B3GNT6: variants seen among roughly 807,000 people sequenced by gnomAD.
B3GNT6 encodes acetylgalactosaminyl-O-glycosyl-glycoprotein beta-1,3-N-acetylglucosaminyltransferase.
For missense variants in B3GNT6, 624 were observed against 568.6 expected, an observed-to-expected ratio of 1.10 and a Z score of -0.99; for synonymous variants, 300 against 270.0, an observed-to-expected ratio of 1.11 and a Z score of -1.09.
rs1555027806 is a variant in B3GNT6 at position 77,040,519 on chromosome 11, C to G, written c.968C>G (p.Pro323Arg). 3 of 1,555,984 alleles carry G rather than the reference C, an allele frequency of 1.9e-6. No individual in the cohort carries two copies. Among genetic ancestry groups the G allele is most frequent in the Non-Finnish European group, 2.6e-6 (3 of 1,157,832 alleles). Reference protein sequence around the residue: ...GMCLERAGLAPSGHEGIRPFG... With the variant: ...GMCLERAGLARSGHEGIRPFG... The stretch of plus-strand genomic sequence containing the variant: ...TGTCTGGAGCGCGCCGGCCTGGCGC[C>G]CAGCGGCCACGAGGGCATCCGACCC... Residue 323 changes from proline (P) to arginine (R), a missense_variant, in exon 2 of 2, where the codon CCC becomes CGC. By Grantham distance (103) the Pro-to-Arg change is moderately radical. Coordinates refer to ENST00000622824, the MANE Select transcript of B3GNT6 (RefSeq NM_138706.5).
In B3GNT6 at chr11:77,041,680, C is replaced by G. The variant is rs1200738373; in HGVS notation, c.*974C>G. On this transcript the variant is annotated 3_prime_UTR_variant, in exon 2 of 2. Transcript: ENST00000622824. ...TGGACAGTGGTTAAGATTGTGGGGC[C>G]GGGCGAGGTGGCTCACGCCTGTAAT... 6.6e-6 allele frequency: 1 copy of G among 152,480 alleles called. No homozygotes were observed. Among genetic ancestry groups the G allele is most frequent in the Non-Finnish European group, 1.5e-5 (1 of 68,344 alleles). 9.4% of individuals were successfully genotyped at this position (152,480 alleles called of 1,614,324 possible).
intron 1 of B3GNT6, among the ~76,000 whole-genome samples, chr11:77,036,085 G>A (rs1179741454): frequency 6.6e-6 from 1 of 152,160 alleles, no homozygotes; most frequent in Admixed American, 6.5e-5. Context: ...CAGGAAAGAA[G>A]CTGGGGCTCA....
rs1591092124 is a variant in B3GNT6 at position 77,040,849 on chromosome 11, T to C, written c.*143T>C. On this transcript the variant is annotated 3_prime_UTR_variant, in exon 2 of 2. Transcript: ENST00000622824. ...CACTGAAATCAGCTGGGGTGGGGGGTGTGGAAAATGCCTACATCCTGGCTC... is the reference window on the plus strand; with the variant it reads ...CACTGAAATCAGCTGGGGTGGGGGGCGTGGAAAATGCCTACATCCTGGCTC... 1 of 1,303,698 alleles carries C rather than the reference T, an allele frequency of 7.7e-7. No homozygotes were observed. Among genetic ancestry groups the C allele is most frequent in the Admixed American group, 3.3e-5 (1 of 30,456 alleles). 80.8% of individuals were successfully genotyped at this position (1,303,698 alleles called of 1,614,324 possible). A position where few individuals can be genotyped will look rare whatever the true frequency, so the allele number is the denominator to read the frequency against.
chr11:77,040,983 G>A lies in B3GNT6; in HGVS notation c.*277G>A, dbSNP rs1435997503. ...GTGCAGCTAGGCCTGAGGACCACTC[G>A]GCTAGACTATCTCTTCATCCTCGCA... On this transcript the variant is annotated 3_prime_UTR_variant, in exon 2 of 2. Coordinates refer to ENST00000622824, the MANE Select transcript of B3GNT6 (RefSeq NM_138706.5). 4.7e-6 allele frequency: 2 copies of A among 429,852 alleles called. No individual in the cohort carries two copies. Among genetic ancestry groups the A allele is most frequent in the East Asian group, 3.8e-5 (1 of 26,142 alleles). 26.6% of individuals were successfully genotyped at this position (429,852 alleles called of 1,614,324 possible). A position where few individuals can be genotyped will look rare whatever the true frequency, so the allele number is the denominator to read the frequency against.
In B3GNT6 at chr11:77,040,659, C is replaced by G; in HGVS notation, c.1108C>G (p.Leu370Val). Residue 370 changes from leucine (L) to valine (V), a missense_variant, in exon 2 of 2, where the codon CTG becomes GTG. Leu to Val is a conservative substitution (Grantham distance 32, BLOSUM62 1). Coordinates refer to ENST00000622824, the MANE Select transcript of B3GNT6 (RefSeq NM_138706.5). ...CGAGATGCTGCTCATGTGGAAGGCG[C>G]TGCACAGCCCCGCGCTCAGCTGTGA... is the stretch of plus-strand genomic sequence containing the variant. ...PYEMLLMWKALHSPALSCDRG... is the reference protein window; with the variant it reads ...PYEMLLMWKAVHSPALSCDRG... The G allele has an allele frequency of 6.2e-7, 1 of 1,600,522 alleles. No individual in the cohort carries two copies. Among genetic ancestry groups the G allele is most frequent in the Non-Finnish European group, 8.5e-7 (1 of 1,178,868 alleles).
rs760180919 is a variant in B3GNT6 at position 77,040,290 on chromosome 11, T to C, written c.739T>C (p.Ser247Pro). ...QAQPPGRHLF[S>P]GQLMEGSVPI... ...GCAGCCACCCGGCCGCCACCTGTTC[T>C]CCGGCCAGCTCATGGAGGGCTCCGT... The change falls in exon 2 of 2, where the codon TCC becomes CCC. Residue 247 changes from serine to proline, a missense_variant. By Grantham distance (74) the Ser-to-Pro change is moderately conservative. Transcript: ENST00000622824. The C allele has an allele frequency of 4.1e-5, 66 of 1,590,710 alleles. No individual in the cohort carries two copies. In the Middle Eastern group the frequency reaches 6.6e-4, roughly 16 times the overall value.
chr11:77,035,536 C>G (rs1555026823), intron 1 of B3GNT6, among the ~76,000 whole-genome samples: 1 of 152,194 alleles, frequency 6.6e-6, no homozygotes, highest in African/African-American at 2.4e-5. Context: ...ATGACATCAA[C>G]AAGGAGACAG....
At chr11:77,038,924 T>A (rs915132027) in intron 1 of B3GNT6, among the ~76,000 whole-genome samples, 1 of 152,130 alleles carries the variant, frequency 6.6e-6, no homozygotes, top group Non-Finnish European at 1.5e-5. Flanking sequence ...TCACTAACCC[T>A]TCGTCACAGA....
intron 1 of B3GNT6, among the ~76,000 whole-genome samples, chr11:77,038,099 GGGA>G (rs1949651934): frequency 2.3e-5 from 1 of 43,900 alleles, no homozygotes. Flanking sequence ...GAGGAGGAGG[GGGA>G]GGGAGAGAAG....
intron 1 of B3GNT6, among the ~76,000 whole-genome samples, chr11:77,037,603 C>A (rs759032759): frequency 2.6e-5 from 4 of 151,858 alleles, no homozygotes; most frequent in African/African-American, 4.8e-5. Context: ...TAGAGGCCTT[C>A]CACTATTAAA....
intron 1 of B3GNT6, 28 bp downstream of exon 1, chr11:77,034,506 A>G (rs1949619750): frequency 6.6e-6 from 1 of 152,444 alleles, no homozygotes; most frequent in South Asian, 2.1e-4. Flanking sequence ...GCTTCTTCCT[A>G]TTGGGAAGGA....
chr11:77,037,638 C>T (rs782719098), intron 1 of B3GNT6, among the ~76,000 whole-genome samples: 2 of 151,758 alleles, frequency 1.3e-5, no homozygotes, highest in Non-Finnish European at 2.9e-5. Context: ...AGGTCAGGTG[C>T]GGTGGCTCAC....
rs782323128 is a variant in B3GNT6 at position 77,039,776 on chromosome 11, G to A, written c.225G>A (p.Ser75=). The part of the protein sequence containing the change: ...VPGPPCVANA[S]ANATADFEQL... ...GGCCCCCGTGCGTGGCGAACGCCTCGGCGAACGCCACGGCCGACTTCGAGC... is the reference window on the plus strand; with the variant it reads ...GGCCCCCGTGCGTGGCGAACGCCTCAGCGAACGCCACGGCCGACTTCGAGC... Residue 75 remains serine (S), a synonymous_variant, in exon 2 of 2, where the codon TCG becomes TCA. Coordinates refer to ENST00000622824, the MANE Select transcript of B3GNT6 (RefSeq NM_138706.5). The A allele has an allele frequency of 1.3e-6, 2 of 1,586,630 alleles. No individual in the cohort carries two copies. Among genetic ancestry groups the A allele is most frequent in the Non-Finnish European group, 1.7e-6 (2 of 1,170,924 alleles).
intron 1 of B3GNT6, among the ~76,000 whole-genome samples, chr11:77,036,920 T>C (rs892892872): frequency 6.6e-6 from 1 of 152,164 alleles, no homozygotes; most frequent in Non-Finnish European, 1.5e-5. Context: ...CTGGTCTCCT[T>C]TGGGCTTCAT....
At position 77,040,010 on chromosome 11, in the gene B3GNT6, CCT is replaced by C. The variant is rs2135379099; in HGVS notation, c.462_463del (p.Phe155SerfsTer223). On this transcript the variant is annotated frameshift_variant, in exon 2 of 2. Coordinates refer to ENST00000622824, the MANE Select transcript of B3GNT6 (RefSeq NM_138706.5). LOFTEE classifies it low-confidence loss of function (END_TRUNC). ...RSYGGRPVRR[L>X]FLLGTPGPED... The stretch of plus-strand genomic sequence containing the variant: ...GCTACGGCGGGCGGCCAGTGCGCCG[CCT>C]CTTTCTATTGGGCACCCCGGGCCCC... The C allele has an allele frequency of 1.9e-6, 3 of 1,577,828 alleles. No homozygotes were observed. Among genetic ancestry groups the C allele is most frequent in the Non-Finnish European group, 2.6e-6 (3 of 1,170,504 alleles).
intron 1 of B3GNT6, among the ~76,000 whole-genome samples, chr11:77,035,540 G>C (rs1377034039): frequency 6.6e-6 from 1 of 152,202 alleles, no homozygotes; most frequent in East Asian, 1.9e-4. Context: ...CATCAACAAG[G>C]AGACAGGTTA....
chr11:77,038,047 A>AGGAG (rs1949649633), intron 1 of B3GNT6, among the ~76,000 whole-genome samples: 1 of 776 alleles, frequency 1.3e-3, no homozygotes, highest in Non-Finnish European at 3.5e-3. Context: ...ATAGGATGGG[A>AGGAG]GGGGAATGAG....
At position 77,040,963 on chromosome 11, in the gene B3GNT6, G is replaced by A. The variant is rs1277656929; in HGVS notation, c.*257G>A. ...GTTCCTCCAGTGATGCGAATGTGCA[G>A]CTAGGCCTGAGGACCACTCGGCTAG... On this transcript the variant is annotated 3_prime_UTR_variant, in exon 2 of 2. Transcript: ENST00000622824. The A allele has an allele frequency of 7.7e-6, 4 of 517,322 alleles. No individual in the cohort carries two copies. The highest frequency in any genetic ancestry group is 6.0e-5 in the African/African-American group (3 of 50,014). The allele number at this position is 517,322 out of a possible 1,614,324, so 32.0% of individuals were successfully genotyped here.
At position 77,040,721 on chromosome 11, in the gene B3GNT6, C is replaced by T; in HGVS notation, c.*15C>T. 1 of 1,547,888 alleles carries T rather than the reference C, an allele frequency of 6.5e-7. No homozygotes were observed. The highest frequency in any genetic ancestry group is 8.7e-7 in the Non-Finnish European group (1 of 1,153,990). ...GGGTCTCCTGAGGCCAGTTGGGCGG[C>T]TTCAGCCCCGGGCCTCCAACCATGT... On this transcript the variant is annotated 3_prime_UTR_variant, in exon 2 of 2. Coordinates refer to ENST00000622824, the MANE Select transcript of B3GNT6 (RefSeq NM_138706.5).
Sources: gnomAD v4.1 joint callset for allele counts (sites outside exome capture counted in the v4.1 genomes callset) on GRCh38, gnomAD v4.1.1 for gene constraint, MANE v1.5 for transcripts, NCBI Gene and HGNC (gene_info 2026-07-23, HGNC 2026-07-21) for gene names.